Variants in SEL1L observed in about 807,000 individuals in gnomAD.
The protein encoded by SEL1L is protein sel-1 homolog 1.
Under a neutral mutation model 109.8 loss-of-function variants are expected in SEL1L, and 52 were observed. The observed-to-expected ratio is 0.47, with a 90% CI of 0.38 to 0.60. SEL1L has a LOEUF of 0.60. Among genes scored for constraint, SEL1L ranks in the 20% least tolerant of loss-of-function variants. SEL1L has a pLI of 0.00. For missense variants in SEL1L, 749 were observed against 962.2 expected (o/e 0.78, Z 2.93); for synonymous variants, 373 against 339.6 (o/e 1.10, Z -1.08).
intron 11 of SEL1L, among the ~76,000 whole-genome samples, chr14:81,493,237 C>T (rs929784885): frequency 1.3e-5 from 2 of 152,184 alleles, no homozygotes; most frequent in African/African-American, 2.4e-5. Flanking sequence ...CAGCAGGGCA[C>T]GGTGGCTCTC....
Position 81,487,910 on chromosome 14 carries a change from T to C in SEL1L, c.1428A>G (p.Lys476=), listed in dbSNP as rs750976349. 2 of 1,613,898 alleles carry C rather than the reference T, an allele frequency of 1.2e-6. No homozygotes were observed. The highest frequency in any genetic ancestry group is 1.7e-5 in the Admixed American group (1 of 59,984). ...CATCCACCCAGCCTTGTTCAGCAGC[T>C]TTCTGGAAATACTTAAGGGCTAGAT... ...NYDLALKYFQ[K]AAEQGWVDGQ... Residue 476 remains lysine, a synonymous_variant, in exon 15 of 21, where the codon AAA becomes AAG. Coordinates refer to ENST00000336735, the MANE Select transcript of SEL1L (RefSeq NM_005065.6).
At chr14:81,480,900 C>G (rs192048401) in intron 19 of SEL1L, among the ~76,000 whole-genome samples, 87 of 152,216 alleles carry the variant, frequency 5.7e-4, no homozygotes, top group African/African-American at 2.0e-3. Flanking sequence ...TTATCTACCC[C>G]ACTCTTTCCT....
intron 14 of SEL1L, among the ~76,000 whole-genome samples, chr14:81,488,177 T>C (rs562192422): frequency 6.6e-6 from 1 of 152,336 alleles, no homozygotes; most frequent in South Asian, 2.1e-4. Context: ...ATTTGTATGC[T>C]GCTCTCAGAA....
intron 3 of SEL1L, among the ~76,000 whole-genome samples, chr14:81,508,223 T>C (rs1332709635): frequency 6.6e-6 from 1 of 152,158 alleles, no homozygotes; most frequent in Non-Finnish European, 1.5e-5. Flanking sequence ...ACAAAATGAA[T>C]TTCAAATGGT....
chr14:81,523,999 C>A (rs1355721806), intron 3 of SEL1L, among the ~76,000 whole-genome samples: 4 of 152,178 alleles, frequency 2.6e-5, no homozygotes, highest in Non-Finnish European at 5.9e-5. Context: ...ATTGCTTGGG[C>A]ACCAAATTTT....
intron 3 of SEL1L, among the ~76,000 whole-genome samples, chr14:81,522,580 T>C (rs1595534898): frequency 6.6e-6 from 1 of 152,100 alleles, no homozygotes; most frequent in Non-Finnish European, 1.5e-5. Context: ...ACTAGCTAGG[T>C]TCGTGTAAGT....
intron 6 of SEL1L, among the ~76,000 whole-genome samples, chr14:81,502,036 T>C (rs1467577979): frequency 1.3e-5 from 2 of 150,982 alleles, no homozygotes; most frequent in Non-Finnish European, 2.9e-5. Context: ...GAGTCCTGGA[T>C]TGAATACTGG....
In SEL1L at chr14:81,492,538, T is replaced by C. The variant is rs749354895; in HGVS notation, c.1196A>G (p.Asp399Gly). ...GVEQNHQRAFDYFNLAANAGN... is the reference protein window; with the variant it reads ...GVEQNHQRAFGYFNLAANAGN... ...AGCATTTGCTGCTAAATTGAAGTAG[T>C]CAAATGCTCTCTATGAGAAAAGAAT... is the stretch of plus-strand genomic sequence containing the variant. Residue 399 changes from aspartate to glycine, a missense_variant, in exon 12 of 21, where the codon GAC becomes GGC. Around this residue, in one of 2 missense-constraint regions of SEL1L, gnomAD observed 383 missense variants for 562.5 expected, o/e 0.68. Coordinates refer to ENST00000336735, the MANE Select transcript of SEL1L (RefSeq NM_005065.6). 1.2e-6 allele frequency: 2 copies of C among 1,607,742 alleles called. No individual in the cohort carries two copies. The highest frequency in any genetic ancestry group is 2.2e-5 in the East Asian group (1 of 44,788).
rs1903062773 is a variant in SEL1L, at chr14:81,473,439, TC to T, written c.*3532del. The T allele has an allele frequency of 6.6e-6, 1 of 152,204 alleles. No individual in the cohort carries two copies. 9.4% of individuals were successfully genotyped at this position (152,204 alleles called of 1,614,324 possible). A position where few individuals can be genotyped will look rare whatever the true frequency, so the allele number is the denominator to read the frequency against. ...ACACATTTAAAATCCAGATCGTGCC[TC>T]AGGCATTCAGGAGTGTTATATTTTA... On this transcript the variant is annotated 3_prime_UTR_variant, in exon 21 of 21. Coordinates refer to ENST00000336735, the MANE Select transcript of SEL1L (RefSeq NM_005065.6).
intron 15 of SEL1L, 67 bp downstream of exon 15, chr14:81,487,788 G>A: frequency 6.3e-7 from 1 of 1,595,912 alleles, no homozygotes; most frequent in Non-Finnish European, 8.5e-7. Context: ...ACATCATAAT[G>A]CCATCTAGTA....
chr14:81,488,523 C>CA lies in SEL1L; in HGVS notation c.1396-582dup, dbSNP rs147651809. Among the ~76,000 whole-genome samples the CA allele has an allele frequency of 1.0e-2, 1,516 of 152,260 alleles. 22 individuals are homozygous for CA. The highest frequency in any genetic ancestry group is 0.034 in the African/African-American group (1,425 of 41,542). On this transcript the variant is annotated intron_variant, in intron 14 of 20. Transcript: ENST00000336735. The stretch of plus-strand genomic sequence containing the variant: ...AGCTCTTAAACCTAGCTCTTAGTTT[C>CA]AGCCTCAAATTAAAAGCACATATTA...
Position 81,475,185 on chromosome 14 carries a change from CA to C in SEL1L, c.*1786del, listed in dbSNP as rs1903121406. 6.6e-6 allele frequency: 1 copy of C among 152,074 alleles called. No homozygotes were observed. Among genetic ancestry groups the C allele is most frequent in the African/African-American group, 2.4e-5 (1 of 41,394 alleles). 9.4% of individuals were successfully genotyped at this position (152,074 alleles called of 1,614,324 possible). A position where few individuals can be genotyped will look rare whatever the true frequency, so the allele number is the denominator to read the frequency against. ...ACTCAAATCTCTACATGTAAGAGAC[CA>C]AACAAGTCTCACTATTTACAAGAGT... On this transcript the variant is annotated 3_prime_UTR_variant, in exon 21 of 21. Transcript: ENST00000336735.
At chr14:81,490,491 A>G (rs1883496188) in intron 12 of SEL1L, 26 bp from the exon 13 acceptor site, 2 of 1,538,368 alleles carry the variant, frequency 1.3e-6, no homozygotes, top group Non-Finnish European at 1.8e-6. Context: ...CAATTTCAGT[A>G]AGAGCTGTAA....
intron 20 of SEL1L, among the ~76,000 whole-genome samples, chr14:81,478,125 T>C (rs1257566711): frequency 1.3e-5 from 2 of 152,208 alleles, no homozygotes; most frequent in African/African-American, 4.8e-5. Context: ...ACTTTTATTA[T>C]ACTTACCCAT....
chr14:81,524,538 G>C (rs1174167579), intron 3 of SEL1L, among the ~76,000 whole-genome samples: 1 of 152,172 alleles, frequency 6.6e-6, no homozygotes, highest in African/African-American at 2.4e-5. Flanking sequence ...ATAGCACAAA[G>C]GATACTGCAT....
At chr14:81,523,154 G>C (rs1951605) in intron 3 of SEL1L, among the ~76,000 whole-genome samples, 1 of 151,942 alleles carries the variant, frequency 6.6e-6, no homozygotes, top group African/African-American at 2.4e-5. Context: ...GGTTCCTAGA[G>C]AGCCTTGGGA....
In SEL1L at chr14:81,532,646, C is replaced by T. The variant is rs183747359; in HGVS notation, c.70+1029G>A. ...GCCTCTTATTTTAGAAGCAGAATGA[C>T]GTTATGGCATTGATTTACAACTAGG... On this transcript the variant is annotated intron_variant, in intron 1 of 20. Transcript: ENST00000336735. Among the ~76,000 whole-genome samples, 8 of 152,088 alleles carry T rather than the reference C, an allele frequency of 5.3e-5. No individual in the cohort carries two copies. In the East Asian group the frequency reaches 1.4e-3, roughly 26 times the overall value.
intron 3 of SEL1L, among the ~76,000 whole-genome samples, chr14:81,525,550 CAG>C (rs1385488622): frequency 6.6e-6 from 1 of 150,600 alleles, no homozygotes; most frequent in Non-Finnish European, 1.5e-5. Flanking sequence ...AGGAAGTAAA[CAG>C]AATCACTTTT....
rs530667675 is a variant in SEL1L, at chr14:81,473,174, A to T, written c.*3798T>A. 17 of 152,282 alleles carry T rather than the reference A, an allele frequency of 1.1e-4. No individual in the cohort carries two copies. The highest frequency in any genetic ancestry group is 4.1e-4 in the African/African-American group (17 of 41,562). 9.4% of individuals were successfully genotyped at this position (152,282 alleles called of 1,614,324 possible). On this transcript the variant is annotated 3_prime_UTR_variant, in exon 21 of 21. Transcript: ENST00000336735. ...GTTACATCTTGATTATATCAACATT[A>T]TGAGTTTTATGAGTTTATTTTCTAA...
Sources: allele counts gnomAD v4.1 joint callset (sites outside exome capture counted in the v4.1 genomes callset), GRCh38; gene constraint gnomAD v4.1.1; regional missense constraint gnomAD v4.1.1; transcripts MANE v1.5; gene names NCBI Gene and HGNC (gene_info 2026-07-23, HGNC 2026-07-21).